Variants in CNTNAP4 observed in about 807,000 individuals in gnomAD.
The protein encoded by CNTNAP4 is contactin associated protein family member 4.
Under a neutral mutation model 148.4 loss-of-function variants are expected in CNTNAP4, and 98 were observed. The observed-to-expected ratio is 0.66, with a 90% CI of 0.56 to 0.78. CNTNAP4 has a LOEUF of 0.78. CNTNAP4 is among the 30% of genes least tolerant of loss of function. The probability of loss-of-function intolerance (pLI) is 0.00; values close to 1 mark genes in which losing one functional copy is unlikely to be tolerated. For synonymous variants in CNTNAP4, 730 were observed against 565.1 expected (o/e 1.29, Z -4.14); for missense variants, 1,935 against 1,565.6 (o/e 1.24, Z -3.98).
At chr16:76,372,407 C>G (rs576314829) in intron 3 of CNTNAP4, among the ~76,000 whole-genome samples, 227 of 152,104 alleles carry the variant, frequency 1.5e-3, no homozygotes, top group African/African-American at 5.0e-3. Flanking sequence ...CTCGGCCTCC[C>G]AAAGTACTGG....
intron 9 of CNTNAP4, among the ~76,000 whole-genome samples, chr16:76,466,105 A>G (rs2081168604): frequency 6.6e-6 from 1 of 152,128 alleles, no homozygotes; most frequent in African/African-American, 2.4e-5. Context: ...AAAAATAATA[A>G]CCACCCATCT....
intron 4 of CNTNAP4, among the ~76,000 whole-genome samples, chr16:76,446,699 A>G (rs1284368101): frequency 6.6e-6 from 1 of 152,178 alleles, no homozygotes; most frequent in African/African-American, 2.4e-5. Context: ...AGAAAATAGT[A>G]TTGCCCTTAA....
At chr16:76,320,219 C>T (rs1962259837) in intron 2 of CNTNAP4, among the ~76,000 whole-genome samples, 1 of 152,128 alleles carries the variant, frequency 6.6e-6, no homozygotes, top group Non-Finnish European at 1.5e-5. Flanking sequence ...GAATTGTGTT[C>T]TAATGCTGGG....
rs189024291 is a variant in CNTNAP4, at chr16:76,467,468, G to A, written c.1600G>A (p.Gly534Arg). The A allele has an allele frequency of 9.3e-6, 15 of 1,613,740 alleles. No homozygotes were observed. In the African/African-American group the frequency reaches 1.5e-4, roughly 16 times the overall value. ...GGTAGATCTGATTTCAGTTCAGCAG[G>A]GGTCCCTTGGGAACTTCAGTGACCT... ...KVVDLISVQQ[G>R]SLGNFSDLQI... The change falls in exon 10 of 24, where the codon GGG (glycine) becomes AGG (arginine). Residue 534 changes from glycine (G) to arginine (R), a missense_variant. By Grantham distance (125) the Gly-to-Arg change is moderately radical (BLOSUM62 -2). Coordinates refer to ENST00000611870, the MANE Select transcript of CNTNAP4 (RefSeq NM_033401.5).
intron 8 of CNTNAP4, among the ~76,000 whole-genome samples, chr16:76,454,111 C>CTTTTTTTTTTTTTTT (rs11302612): frequency 1.5e-5 from 2 of 130,098 alleles, no homozygotes. Context: ...CTATTTCTTT[C>CTTTTTTTTTTTTTTT]TTTTTTTTTT....
At chr16:76,340,693 G>T (rs1044716589) in intron 2 of CNTNAP4, among the ~76,000 whole-genome samples, 8 of 152,144 alleles carry the variant, frequency 5.3e-5, no homozygotes, top group African/African-American at 1.9e-4. Flanking sequence ...CATCAGGAAG[G>T]CAGAGACTTA....
At chr16:76,489,943 G>C in intron 13 of CNTNAP4, 60 bp downstream of exon 13, 2 of 1,161,562 alleles carry the variant, frequency 1.7e-6, no homozygotes, top group Non-Finnish European at 2.3e-6. Context: ...TACTCAACTA[G>C]CTCCTGAGAA....
intron 1 of CNTNAP4, among the ~76,000 whole-genome samples, chr16:76,290,052 C>T (rs1959051463): frequency 6.6e-6 from 1 of 152,122 alleles, no homozygotes; most frequent in Non-Finnish European, 1.5e-5. Flanking sequence ...TTAATAATGA[C>T]AAATATTCCT....
intron 14 of CNTNAP4, among the ~76,000 whole-genome samples, chr16:76,498,202 C>T (rs546604554): frequency 6.3e-4 from 96 of 152,204 alleles, no homozygotes; most frequent in Non-Finnish European, 1.1e-3. Flanking sequence ...ACCAGCCTGG[C>T]CAACATGGCA....
At chr16:76,544,014 A>G (rs934875895) in intron 21 of CNTNAP4, among the ~76,000 whole-genome samples, 3 of 152,212 alleles carry the variant, frequency 2.0e-5, no homozygotes, top group Non-Finnish European at 4.4e-5. Flanking sequence ...ATCTGCCCTT[A>G]CAGAGCTTAT....
chr16:76,369,363 A>G (rs933518711), intron 3 of CNTNAP4, among the ~76,000 whole-genome samples: 13 of 152,192 alleles, frequency 8.5e-5, no homozygotes, highest in African/African-American at 2.9e-4. Context: ...TTCCAGAGAA[A>G]TGGAACCAAG....
chr16:76,412,311 A>G (rs2078827981), intron 3 of CNTNAP4, among the ~76,000 whole-genome samples: 1 of 151,436 alleles, frequency 6.6e-6, no homozygotes, highest in Non-Finnish European at 1.5e-5. Flanking sequence ...ATTCACGTAC[A>G]TACATGTCTT....
At chr16:76,479,217 A>T (rs1297713008) in intron 11 of CNTNAP4, among the ~76,000 whole-genome samples, 1 of 152,146 alleles carries the variant, frequency 6.6e-6, no homozygotes, top group African/African-American at 2.4e-5. Flanking sequence ...TCATAAAATC[A>T]ACTTCTTTTT....
chr16:76,456,972 G>T (rs964653120), intron 8 of CNTNAP4, among the ~76,000 whole-genome samples: 1 of 152,070 alleles, frequency 6.6e-6, no homozygotes, highest in African/African-American at 2.4e-5. Flanking sequence ...TGCATAGAAA[G>T]CTCCCAGTAT....
At chr16:76,419,922 C>T (rs1390221653) in intron 3 of CNTNAP4, among the ~76,000 whole-genome samples, 3 of 152,014 alleles carry the variant, frequency 2.0e-5, no homozygotes, top group African/African-American at 7.2e-5. Flanking sequence ...ATGAAGGCCC[C>T]ACCTCATGAC....
intron 1 of CNTNAP4, among the ~76,000 whole-genome samples, chr16:76,306,927 G>A (rs1960537042): frequency 6.6e-6 from 1 of 152,156 alleles, no homozygotes; most frequent in African/African-American, 2.4e-5. Context: ...GTATGTATCA[G>A]ACCTCGGGAA....
chr16:76,351,915 C>T (rs2011835058), intron 2 of CNTNAP4, among the ~76,000 whole-genome samples: 1 of 152,176 alleles, frequency 6.6e-6, no homozygotes, highest in South Asian at 2.1e-4. Flanking sequence ...CCTGTAGAGG[C>T]ATGGAAATGC....
At chr16:76,397,058 C>A (rs983135313) in intron 3 of CNTNAP4, among the ~76,000 whole-genome samples, 2 of 151,970 alleles carry the variant, frequency 1.3e-5, no homozygotes, top group African/African-American at 4.8e-5. Flanking sequence ...GGGTGGGTGG[C>A]ATCAGGGAAG....
intron 5 of CNTNAP4, 53 bp downstream of exon 5, chr16:76,448,268 A>C (rs1308655388): frequency 3.8e-6 from 5 of 1,300,602 alleles, no homozygotes; most frequent in Non-Finnish European, 5.5e-6. Flanking sequence ...ATATCACCTA[A>C]GTCACTTTAT....
Sources: gnomAD v4.1 joint callset for allele counts (sites outside exome capture counted in the v4.1 genomes callset) on GRCh38, gnomAD v4.1.1 for gene constraint, MANE v1.5 for transcripts, NCBI Gene and HGNC (gene_info 2026-07-23, HGNC 2026-07-21) for gene names.